The following DPP6 variants were observed in gnomAD, a reference collection of about 807,000 sequenced individuals.
DPP6 encodes dipeptidyl peptidase like 6, also known as A-type potassium channel modulatory protein DPP6.
A neutral mutation model predicts 122.6 loss-of-function variants in DPP6; 69 were observed. That is an observed-to-expected ratio of 0.56 (90% CI 0.46 to 0.69). DPP6 has a LOEUF of 0.69. Among genes scored for constraint, DPP6 ranks in the 30% least tolerant of loss-of-function variants. DPP6 has a pLI of 0.00. For synonymous variants in DPP6, 418 were observed against 433.1 expected, an observed-to-expected ratio of 0.97 and a Z score of 0.43; for missense variants, 928 against 1,116.9, an observed-to-expected ratio of 0.83 and a Z score of 2.41.
intron 16 of DPP6, among the ~76,000 whole-genome samples, chr7:154,852,816 G>A (rs1802515530): frequency 1.3e-5 from 2 of 152,230 alleles, no homozygotes. Flanking sequence ...GAGAATGGAG[G>A]CTGACCACAT....
intron 2 of DPP6, among the ~76,000 whole-genome samples, chr7:154,466,169 C>T (rs1821761351): frequency 6.6e-6 from 1 of 150,508 alleles, no homozygotes. Flanking sequence ...AACATATGGG[C>T]ACAGGGAGGG....
intron 5 of DPP6, among the ~76,000 whole-genome samples, chr7:154,590,117 C>T (rs1388505236): frequency 6.6e-6 from 1 of 151,974 alleles, no homozygotes; most frequent in African/African-American, 2.4e-5. Context: ...AAACACAAAC[C>T]GATTTGCTCT....
intron 1 of DPP6, among the ~76,000 whole-genome samples, chr7:154,357,421 A>G (rs1422104739): frequency 2.0e-5 from 3 of 152,170 alleles, no homozygotes; most frequent in East Asian, 1.9e-4. Context: ...ATTTTATTCT[A>G]GCCAAATTGC....
intron 16 of DPP6, among the ~76,000 whole-genome samples, chr7:154,829,081 A>C (rs1800416166): frequency 6.6e-6 from 1 of 152,136 alleles, no homozygotes; most frequent in South Asian, 2.1e-4. Flanking sequence ...ATGCTAGACA[A>C]TAAGAAAAAC....
At chr7:153,825,619 G>A in the DPP6 span, among the ~76,000 whole-genome samples, 1 of 152,068 alleles carries the variant, frequency 6.6e-6, no homozygotes, top group African/African-American at 2.4e-5. Context: ...AAGTGCAGAG[G>A]CATGATTTCA....
At chr7:154,419,532 G>T (rs1027278703) in intron 1 of DPP6, among the ~76,000 whole-genome samples, 2 of 152,196 alleles carry the variant, frequency 1.3e-5, no homozygotes, top group African/African-American at 4.8e-5. Context: ...GCGGGGAGAG[G>T]CGTGCCTGCT....
At chr7:154,196,568 T>C (rs1330558828) in intron 1 of DPP6, among the ~76,000 whole-genome samples, 1 of 152,228 alleles carries the variant, frequency 6.6e-6, no homozygotes, top group African/African-American at 2.4e-5. Context: ...TTATTCATAC[T>C]CATCCTACTT....
intron 1 of DPP6, among the ~76,000 whole-genome samples, chr7:154,073,455 A>G (rs1395440365): frequency 6.6e-6 from 1 of 152,216 alleles, no homozygotes; most frequent in East Asian, 1.9e-4. Flanking sequence ...CCCTGGACCT[A>G]TATCTGTGAT....
Position 154,388,072 on chromosome 7 carries a change from G to C in DPP6, c.244-58142G>C, listed in dbSNP as rs116039510. Among the ~76,000 whole-genome samples the C allele has an allele frequency of 2.5e-3, 388 of 152,176 alleles. 1 individual carries two copies. Among genetic ancestry groups the C allele is most frequent in the African/African-American group, 8.8e-3 (367 of 41,522 alleles). ...ATCCCATCACTTTGGAAGACCAAGG[G>C]GGGAGTTTCACTTGAGCCCAGAAGT... On this transcript the variant is annotated intron_variant, in intron 1 of 25. Transcript: ENST00000377770.
chr7:154,435,297 C>T (rs1482382213), intron 1 of DPP6, among the ~76,000 whole-genome samples: 1 of 152,014 alleles, frequency 6.6e-6, no homozygotes, highest in Non-Finnish European at 1.5e-5. Context: ...GGAGGGGGTA[C>T]TGAGAGATCA....
intron 6 of DPP6, among the ~76,000 whole-genome samples, chr7:154,656,791 A>G (rs10249188): frequency 0.69 from 88,201 of 127,472 alleles, 28,687 homozygotes; most frequent in South Asian, 0.82. Context: ...GGAGGTACTC[A>G]TGTGTGGGTG....
chr7:154,079,362 G>A (rs975509835), intron 1 of DPP6, among the ~76,000 whole-genome samples: 8 of 152,214 alleles, frequency 5.3e-5, no homozygotes, highest in Non-Finnish European at 1.0e-4. Flanking sequence ...CACATCAGGT[G>A]GCCTTTGCTT....
the DPP6 span, among the ~76,000 whole-genome samples, chr7:153,826,968 T>G: frequency 6.8e-6 from 1 of 147,936 alleles, no homozygotes; most frequent in African/African-American, 2.5e-5. Flanking sequence ...TAAACGTATT[T>G]GGAAAAATAA....
intron 4 of DPP6, among the ~76,000 whole-genome samples, chr7:154,565,340 T>G (rs1036298061): frequency 2.6e-5 from 4 of 152,218 alleles, no homozygotes; most frequent in African/African-American, 9.6e-5. Context: ...ATAACAGGAA[T>G]GAATTGTCTC....
At chr7:154,645,118 A>G (rs1053579317) in intron 6 of DPP6, among the ~76,000 whole-genome samples, 1 of 141,376 alleles carries the variant, frequency 7.1e-6, no homozygotes, top group African/African-American at 2.7e-5. Context: ...GCTGGAGTGC[A>G]GTGGTGTGAT....
At chr7:153,928,117 A>T (rs200927048) in intron 1 of DPP6, among the ~76,000 whole-genome samples, 12 of 75,708 alleles carry the variant, frequency 1.6e-4, no homozygotes, top group South Asian at 7.2e-4. Context: ...GCTTAAAAAC[A>T]GCAGAAATTT....
At chr7:154,089,793 ATAAAT>A (rs1424256278) in intron 1 of DPP6, among the ~76,000 whole-genome samples, 1 of 151,270 alleles carries the variant, frequency 6.6e-6, no homozygotes, top group African/African-American at 2.4e-5. Flanking sequence ...ATTTTTTTAA[ATAAAT>A]TAGTTACAGA....
intron 1 of DPP6, among the ~76,000 whole-genome samples, chr7:154,412,114 G>A (rs1816655961): frequency 6.6e-6 from 1 of 152,098 alleles, no homozygotes; most frequent in African/African-American, 2.4e-5. Context: ...GCTCTGTGGG[G>A]TCTCTTTTAT....
At chr7:154,781,268 A>C (rs533623224) in intron 10 of DPP6, among the ~76,000 whole-genome samples, 6 of 152,254 alleles carry the variant, frequency 3.9e-5, no homozygotes, top group African/African-American at 1.4e-4. Flanking sequence ...GGAAAAGGAC[A>C]ACATGGCTTT....
Sources: gnomAD v4.1 joint callset for allele counts (sites outside exome capture counted in the v4.1 genomes callset) on GRCh38, gnomAD v4.1.1 for gene constraint, MANE v1.5 for transcripts, NCBI Gene and HGNC (gene_info 2026-07-23, HGNC 2026-07-21) for gene names.